Variants in SNX19 observed in about 807,000 individuals in gnomAD.
SNX19 encodes sorting nexin-19.
A neutral mutation model predicts 85.2 loss-of-function variants in SNX19; 60 were observed. The observed-to-expected ratio is 0.70, with a 90% confidence interval of 0.57 to 0.87. The LOEUF (loss-of-function observed/expected upper bound fraction) is 0.87, where lower values mean the gene tolerates loss of function less well. Ranked by LOEUF, SNX19 falls within the 40% of genes least tolerant of loss-of-function variation. SNX19 has a pLI of 0.00. For missense variants in SNX19, 1,201 were observed against 1,217.8 expected, an observed-to-expected ratio of 0.99 and a Z score of 0.21; for synonymous variants, 520 against 470.0, an observed-to-expected ratio of 1.11 and a Z score of -1.38.
At chr11:130,885,223 A>G (rs73026728) in intron 8 of SNX19, among the ~76,000 whole-genome samples, 2 of 152,324 alleles carry the variant, frequency 1.3e-5, no homozygotes, top group Non-Finnish European at 2.9e-5. Flanking sequence ...TTTGACCCCA[A>G]GACATTCAAG....
intron 8 of SNX19, among the ~76,000 whole-genome samples, chr11:130,898,545 C>T (rs1228893875): frequency 6.6e-6 from 1 of 152,130 alleles, no homozygotes; most frequent in Admixed American, 6.5e-5. Context: ...GGAGGACAAA[C>T]ATGTAGCCTC....
At chr11:130,908,823 C>G (rs1945866888) in intron 4 of SNX19, among the ~76,000 whole-genome samples, 3 of 152,198 alleles carry the variant, frequency 2.0e-5, no homozygotes. Flanking sequence ...CTTAAACTAT[C>G]AAAGAAACAG....
At chr11:130,880,916 C>T in intron 8 of SNX19, 110 bp from the exon 9 acceptor site, 13 of 929,418 alleles carry the variant, frequency 1.4e-5, no homozygotes, top group South Asian at 2.6e-5. Flanking sequence ...AAAATCCTAA[C>T]CCTCAAGGTG....
At chr11:130,897,836 G>A (rs999920438) in intron 8 of SNX19, among the ~76,000 whole-genome samples, 2 of 152,162 alleles carry the variant, frequency 1.3e-5, no homozygotes, top group East Asian at 1.9e-4. Context: ...TGCACAAGCC[G>A]GATTTGCTCC....
At position 130,911,759 on chromosome 11, in the gene SNX19, G is replaced by A. The variant is rs772221651; in HGVS notation, c.1687C>T (p.Leu563Phe). The A allele has an allele frequency of 3.2e-5, 51 of 1,614,024 alleles. No individual in the cohort carries two copies. Among genetic ancestry groups the A allele is most frequent in the Non-Finnish European group, 4.2e-5 (50 of 1,180,040 alleles). Residue 563 changes from leucine to phenylalanine, a missense_variant, in exon 2 of 11, where the codon CTT becomes TTT. Transcript: ENST00000265909. ...AGGCCGCTGCTGTTTTCACCGTCAA[G>A]GGCTGTCTCGTACTGTTCAACGAAC... Reference protein sequence around the residue: ...TLYTVKYETALDGENSSGLQQ... With the variant: ...TLYTVKYETAFDGENSSGLQQ...
chr11:130,903,187 A>G, intron 8 of SNX19, 68 bp downstream of exon 8: 1 of 1,600,254 alleles, frequency 6.2e-7, no homozygotes, highest in Non-Finnish European at 8.5e-7. Context: ...CCTGGACACT[A>G]TTCAGCATCA....
At position 130,872,779 on chromosome 11, in the gene SNX19, C is replaced by T. The variant is rs894184143; in HGVS notation, c.*5643G>A. Among the ~76,000 whole-genome samples, 2 of 152,166 alleles carry T rather than the reference C, an allele frequency of 1.3e-5. No homozygotes were observed. Among genetic ancestry groups the T allele is most frequent in the Admixed American group, 6.5e-5 (1 of 15,274 alleles). ...TACAAAAGTATCATGGTTTCCCTTC[C>T]TCCCCAGTTACCATTCTTTCCCTGG... On this transcript the variant is annotated 3_prime_UTR_variant, in exon 11 of 11. Transcript: ENST00000265909.
At chr11:130,911,846 T>C (rs915383921) in intron 1 of SNX19, 75 bp from the exon 2 acceptor site, 2 of 1,457,704 alleles carry the variant, frequency 1.4e-6, no homozygotes, top group African/African-American at 2.8e-5. Context: ...ACTGACTACT[T>C]GGTCAATGGC....
At position 130,872,056 on chromosome 11, in the gene SNX19, A is replaced by G. The variant is rs1195054726; in HGVS notation, c.*6366T>C. ...CCTCCTAAGCTTCCACATCCCAGAG[A>G]TGGTGTGCTGGGGGCTTTCACGGAA... On this transcript the variant is annotated 3_prime_UTR_variant, in exon 11 of 11. Coordinates refer to ENST00000265909, the MANE Select transcript of SNX19 (RefSeq NM_014758.3). 6.6e-6 allele frequency among the ~76,000 whole-genome samples: 1 copy of G among 151,890 alleles called. No homozygotes were observed. The highest frequency in any genetic ancestry group is 1.5e-5 in the Non-Finnish European group (1 of 67,954).
At chr11:130,904,412 T>C (rs1282627550) in intron 7 of SNX19, among the ~76,000 whole-genome samples, 2 of 152,240 alleles carry the variant, frequency 1.3e-5, no homozygotes, top group Non-Finnish European at 2.9e-5. Flanking sequence ...AACTGAATCA[T>C]ACTTCCCTCT....
chr11:130,880,901 G>A lies in SNX19; in HGVS notation c.2574-95C>T, dbSNP rs1387558089. 4 of 1,108,934 alleles carry A rather than the reference G, an allele frequency of 3.6e-6. No homozygotes were observed. The African/African-American group carries it at 6.2e-5, about 17-fold the overall frequency. 68.7% of individuals were successfully genotyped at this position (1,108,934 alleles called of 1,614,324 possible). A position where few individuals can be genotyped will look rare whatever the true frequency, so the allele number is the denominator to read the frequency against. ...TGTTTATGTTCCCCTGCAGATTCGT[G>A]TGTCAAAATCCTAACCCTCAAGGTG... On this transcript the variant is annotated intron_variant, in intron 8 of 10. Transcript: ENST00000265909.
intron 7 of SNX19, among the ~76,000 whole-genome samples, chr11:130,904,723 G>A (rs1192147283): frequency 6.7e-6 from 1 of 149,972 alleles, no homozygotes; most frequent in Non-Finnish European, 1.5e-5. Context: ...AATCATATGA[G>A]CATTTTGAGT....
intron 1 of SNX19, among the ~76,000 whole-genome samples, chr11:130,913,383 T>G (rs1378580909): frequency 6.6e-6 from 1 of 152,252 alleles, no homozygotes; most frequent in Non-Finnish European, 1.5e-5. Context: ...TGTGTCTGTG[T>G]GTTCACCCAT....
intron 2 of SNX19, 146 bp from the exon 3 acceptor site, chr11:130,910,516 CGATCCATAT>C: frequency 1.5e-6 from 1 of 651,520 alleles, no homozygotes; most frequent in South Asian, 2.1e-5. Context: ...AATATACATA[CGATCCATAT>C]GATCCATATA....
chr11:130,907,918 G>A (rs2276097), intron 5 of SNX19, 35 bp downstream of exon 5: 306,276 of 1,609,470 alleles, frequency 0.19, 30,623 homozygotes, highest in Middle Eastern at 0.22. Flanking sequence ...TTTGAGAACT[G>A]GGGAAAGGTC....
intron 1 of SNX19, 97 bp downstream of exon 1, chr11:130,914,169 A>T (rs1946355402): frequency 1.9e-6 from 2 of 1,042,814 alleles, no homozygotes; most frequent in South Asian, 3.4e-5. Context: ...AACCACTTCA[A>T]ACTAACAGCA....
In SNX19 at chr11:130,914,648, T is replaced by C. The variant is rs1320746667; in HGVS notation, c.1292A>G (p.Glu431Gly). The C allele has an allele frequency of 3.1e-6, 5 of 1,613,814 alleles. No homozygotes were observed. The highest frequency in any genetic ancestry group is 2.7e-5 in the African/African-American group (2 of 74,916). ...GGAGACCGGCAGGCCTGTCTCTGTTTCTGTCCCTGGACCCTCCTCAGCCTC... is the reference window on the plus strand; with the variant it reads ...GGAGACCGGCAGGCCTGTCTCTGTTCCTGTCCCTGGACCCTCCTCAGCCTC... ...GAEAEEGPGTETETGLPVSTL... is the reference protein window; with the variant it reads ...GAEAEEGPGTGTETGLPVSTL... The change falls in exon 1 of 11, where the codon GAA (glutamate) becomes GGA (glycine). Residue 431 changes from glutamate to glycine, a missense_variant. Coordinates refer to ENST00000265909, the MANE Select transcript of SNX19 (RefSeq NM_014758.3).
rs1942771050 is a variant in SNX19 at position 130,866,531 on chromosome 11, TAGA to T, written c.*11888_*11890del. 1 of 152,184 alleles carries T rather than the reference TAGA, an allele frequency of 6.6e-6. No homozygotes were observed. The highest frequency in any genetic ancestry group is 1.5e-5 in the Non-Finnish European group (1 of 68,030). 9.4% of individuals were successfully genotyped at this position (152,184 alleles called of 1,614,324 possible). On this transcript the variant is annotated 3_prime_UTR_variant, in exon 11 of 11. Coordinates refer to ENST00000265909, the MANE Select transcript of SNX19 (RefSeq NM_014758.3). The stretch of plus-strand genomic sequence containing the variant: ...CTTTTACCTCCTTAAGATGGCAGAT[TAGA>T]AGACCCTCTTCCCCAGGAGAGTGGG...
At chr11:130,886,127 A>G (rs76527978) in intron 8 of SNX19, among the ~76,000 whole-genome samples, 20,197 of 152,210 alleles carry the variant, frequency 0.13, 2,259 homozygotes, top group African/African-American at 0.31. Flanking sequence ...ATATAATTGT[A>G]TCAGGCTACT....
Sources: allele counts gnomAD v4.1 joint callset (sites outside exome capture counted in the v4.1 genomes callset), GRCh38; gene constraint gnomAD v4.1.1; transcripts MANE v1.5; gene names NCBI Gene and HGNC (gene_info 2026-07-23, HGNC 2026-07-21).